The following BRCA2 variants were observed in gnomAD, a reference collection of about 807,000 sequenced individuals.
The protein encoded by BRCA2 is BRCA2 DNA repair associated.
BRCA2 carries 203 observed loss-of-function variants against 276.7 expected under a neutral mutation model. The ratio of observed to expected loss-of-function variants is 0.73; its 90% confidence interval spans 0.65 to 0.82. The LOEUF (loss-of-function observed/expected upper bound fraction) is 0.82, where lower values mean the gene tolerates loss of function less well. Ranked by LOEUF, BRCA2 falls within the 40% of genes least tolerant of loss-of-function variation. The probability of loss-of-function intolerance (pLI) is 0.00; values close to 1 mark genes in which losing one functional copy is unlikely to be tolerated. For missense variants in BRCA2, 3,920 were observed against 3,915.0 expected, an observed-to-expected ratio of 1.00 and a Z score of -0.03; for synonymous variants, 1,289 against 1,338.4, an observed-to-expected ratio of 0.96 and a Z score of 0.81.
rs146120136 is a variant in BRCA2 at position 32,370,456 on chromosome 13, C to T, written c.8386C>T (p.Pro2796Ser). ...ARWYTKLGFFPDPRPFPLPLS... is the reference protein window; with the variant it reads ...ARWYTKLGFFSDPRPFPLPLS... ...CTGGTATACCAAACTTGGATTCTTT[C>T]CTGACCCTAGACCTTTTCCTCTGCC... The change falls in exon 19 of 27, where the codon CCT becomes TCT. Residue 2796 changes from proline to serine, a missense_variant. Transcript: ENST00000380152. The T allele has an allele frequency of 1.7e-5, 28 of 1,613,960 alleles. No individual in the cohort carries two copies. The highest frequency in any genetic ancestry group is 5.3e-5 in the African/African-American group (4 of 75,024).
chr13:32,372,065 A>G (rs922464676), intron 20 of BRCA2, among the ~76,000 whole-genome samples: 4 of 152,214 alleles, frequency 2.6e-5, no homozygotes, highest in Non-Finnish European at 1.5e-5. Context: ...AAATAAGACA[A>G]TGGCATTTGC....
chr13:32,378,537 A>G (rs2072889599), intron 21 of BRCA2, among the ~76,000 whole-genome samples: 1 of 152,216 alleles, frequency 6.6e-6, no homozygotes, highest in Non-Finnish European at 1.5e-5. Context: ...CTATATTAAG[A>G]TACAGAGATT....
At chr13:32,322,279 A>C (rs920769869) in intron 3 of BRCA2, among the ~76,000 whole-genome samples, 1 of 152,196 alleles carries the variant, frequency 6.6e-6, no homozygotes, top group East Asian at 1.9e-4. Flanking sequence ...TTCACTTAGC[A>C]ATATGCCGAG....
chr13:32,368,557 G>A (rs866178000), intron 18 of BRCA2, among the ~76,000 whole-genome samples: 11 of 148,536 alleles, frequency 7.4e-5, no homozygotes, highest in Admixed American at 3.4e-4. Flanking sequence ...GTCTATTTGA[G>A]TCTCTCTGGT....
chr13:32,318,213 T>C (rs771239129), intron 2 of BRCA2, among the ~76,000 whole-genome samples: 2 of 152,172 alleles, frequency 1.3e-5, no homozygotes, highest in Non-Finnish European at 2.9e-5. Flanking sequence ...TTGATACAAA[T>C]GTCAACATCA....
At chr13:32,382,748 A>G (rs1010610847) in intron 24 of BRCA2, among the ~76,000 whole-genome samples, 3 of 152,226 alleles carry the variant, frequency 2.0e-5, no homozygotes, top group African/African-American at 7.2e-5. Flanking sequence ...TGAAAGTGCT[A>G]ATAGCATACT....
Position 32,321,936 on chromosome 13 carries a change from T to C in BRCA2, c.316+2611T>C, listed in dbSNP as rs185295915. Among the ~76,000 whole-genome samples, 481 of 152,322 alleles carry C rather than the reference T, an allele frequency of 3.2e-3. 2 individuals are homozygous for C. Among genetic ancestry groups the C allele is most frequent in the African/African-American group, 0.011 (463 of 41,558 alleles). ...CTCTTTTTCACCTAGTTCATTTTTT[T>C]AACTTTTTTTTTTAAATAGCCGAGT... On this transcript the variant is annotated intron_variant, in intron 3 of 26. Coordinates refer to ENST00000380152, the MANE Select transcript of BRCA2 (RefSeq NM_000059.4).
intron 10 of BRCA2, among the ~76,000 whole-genome samples, chr13:32,334,079 G>C (rs1350698446): frequency 6.6e-6 from 1 of 152,180 alleles, no homozygotes; most frequent in Admixed American, 6.5e-5. Flanking sequence ...TGCAGTGAAT[G>C]TACAGGTGGA....
rs587779360 is a variant in BRCA2 at position 32,336,687 on chromosome 13, G to A, written c.2332G>A (p.Val778Ile). The change falls in exon 11 of 27, where the codon GTT becomes ATT. Residue 778 changes from valine (V) to isoleucine (I), a missense_variant. Transcript: ENST00000380152. ...TATTTTAACTCCTACTTCCAAGGATGTTCTGTCAAACCTAGTCATGATTTC... is the reference window on the plus strand; with the variant it reads ...TATTTTAACTCCTACTTCCAAGGATATTCTGTCAAACCTAGTCATGATTTC... ...TLILTPTSKD[V>I]LSNLVMISRG... is the part of the protein sequence containing the mutation. 1 of 1,613,724 alleles carries A rather than the reference G, an allele frequency of 6.2e-7. No homozygotes were observed. Among genetic ancestry groups the A allele is most frequent in the African/African-American group, 1.3e-5 (1 of 74,890 alleles).
intron 3 of BRCA2, among the ~76,000 whole-genome samples, chr13:32,320,338 A>G (rs1422087689): frequency 6.6e-6 from 1 of 152,144 alleles, no homozygotes; most frequent in Non-Finnish European, 1.5e-5. Flanking sequence ...ATGGCTTTCA[A>G]GTTCCTTTGT....
Position 32,379,507 on chromosome 13 carries a change from A to G in BRCA2, c.8945A>G (p.Lys2982Arg). 6.2e-7 allele frequency: 1 copy of G among 1,612,830 alleles called. No homozygotes were observed. The highest frequency in any genetic ancestry group is 8.5e-7 in the Non-Finnish European group (1 of 1,179,656). The stretch of plus-strand genomic sequence containing the variant: ...ATTGTAAGCTATTCAAAAAAAGAAA[A>G]AGATTCAGGTAAGTATGTAAATGCT... ...LRIVSYSKKEKDSVILSIWRP... is the reference protein window; with the variant it reads ...LRIVSYSKKERDSVILSIWRP... Residue 2982 changes from lysine to arginine, a missense_variant, in exon 22 of 27, where the codon AAA becomes AGA. Physicochemically the swap from Lys to Arg is conservative, Grantham distance 26. Transcript: ENST00000380152.
rs779931795 is a variant in BRCA2, at chr13:32,326,518, A to G, written c.536A>G (p.His179Arg). Reference protein sequence around the residue: ...KFVKGRQTPKHISESLGAEVD... With the variant: ...KFVKGRQTPKRISESLGAEVD... ...TCCCAGGGTCGTCAGACACCAAAAC[A>G]TATTTCTGAAAGTCTAGGAGCTGAG... Residue 179 changes from histidine (H) to arginine (R), a missense_variant, in exon 7 of 27, where the codon CAT becomes CGT. Around this residue, in one of 2 missense-constraint regions of BRCA2, gnomAD observed 3,263 missense variants for 3,156.9 expected, o/e 1.03. Coordinates refer to ENST00000380152, the MANE Select transcript of BRCA2 (RefSeq NM_000059.4). 9 of 1,613,460 alleles carry G rather than the reference A, an allele frequency of 5.6e-6. No individual in the cohort carries two copies. In the South Asian group the frequency reaches 8.8e-5, roughly 16 times the overall value.
intron 3 of BRCA2, 122 bp downstream of exon 3, chr13:32,319,447 C>G: frequency 1.0e-6 from 1 of 992,698 alleles, no homozygotes; most frequent in Non-Finnish European, 1.5e-6. Context: ...TCTCTGGCCT[C>G]TTTTTCCTCA....
chr13:32,374,327 C>CT (rs1328705274), intron 20 of BRCA2, among the ~76,000 whole-genome samples: 7 of 152,234 alleles, frequency 4.6e-5, no homozygotes, highest in Non-Finnish European at 8.8e-5. Context: ...GGCTTGAATT[C>CT]TTTCCCGGGA....
intron 24 of BRCA2, among the ~76,000 whole-genome samples, chr13:32,383,667 G>T (rs1474623513): frequency 1.3e-5 from 2 of 152,126 alleles, no homozygotes; most frequent in African/African-American, 2.4e-5. Context: ...TTAAATAATT[G>T]ACCTTGGACA....
Position 32,331,128 on chromosome 13 carries a change from G to A in BRCA2, c.793+98G>A, listed in dbSNP as rs206073. ...GTCTTGCTCTGTCACCCGTGATCTCGGTTTACCGCAACCTCTGCCTCCCGT... is the reference window on the plus strand; with the variant it reads ...GTCTTGCTCTGTCACCCGTGATCTCAGTTTACCGCAACCTCTGCCTCCCGT... On this transcript the variant is annotated intron_variant, in intron 9 of 26. Coordinates refer to ENST00000380152, the MANE Select transcript of BRCA2 (RefSeq NM_000059.4). 844,384 of 849,362 alleles carry A rather than the reference G, an allele frequency of 0.99. 419,869 individuals carry two copies. Among genetic ancestry groups the A allele is most frequent in the East Asian group, 1 (37,421 of 37,422 alleles). 52.6% of individuals were successfully genotyped at this position (849,362 alleles called of 1,614,324 possible). A position where few individuals can be genotyped will look rare whatever the true frequency, so the allele number is the denominator to read the frequency against.
At chr13:32,349,260 C>T (rs968604565) in intron 13 of BRCA2, among the ~76,000 whole-genome samples, 1 of 147,656 alleles carries the variant, frequency 6.8e-6, no homozygotes, top group African/African-American at 2.5e-5. Context: ...TGAACATACT[C>T]ATATCCTTTC....
In BRCA2 at chr13:32,340,799, TATTAA is replaced by T. The variant is rs80359593; in HGVS notation, c.6446_6450del (p.Ile2149SerfsTer25). 1 of 1,592,250 alleles carries T rather than the reference TATTAA, an allele frequency of 6.3e-7. No homozygotes were observed. Among genetic ancestry groups the T allele is most frequent in the East Asian group, 2.2e-5 (1 of 44,708 alleles). On this transcript the variant is annotated frameshift_variant, in exon 11 of 27. Transcript: ENST00000380152. LOFTEE classifies it high-confidence loss of function. ...GTGGTTCTTCAGAAAATAATCACTC[TATTAA>T]AGTTTCTCCATATCTCTCTCAATTT... is the stretch of plus-strand genomic sequence containing the variant.
chr13:32,355,426 C>A, intron 14 of BRCA2, 138 bp downstream of exon 14: 1 of 996,882 alleles, frequency 1.0e-6, no homozygotes, highest in Non-Finnish European at 1.5e-6. Context: ...TTTCTAAATC[C>A]AAAGATTAGG....
Sources: allele counts gnomAD v4.1 joint callset (sites outside exome capture counted in the v4.1 genomes callset), GRCh38; gene constraint gnomAD v4.1.1; regional missense constraint gnomAD v4.1.1; transcripts MANE v1.5; gene names NCBI Gene and HGNC (gene_info 2026-07-23, HGNC 2026-07-21).